Variants in DNAH9 observed in about 807,000 individuals in gnomAD.
DNAH9 encodes DNAH9 variant protein.
A neutral mutation model predicts 471.6 loss-of-function variants in DNAH9; 345 were observed. That is an observed-to-expected ratio of 0.73 (90% confidence interval 0.67 to 0.80). DNAH9 has a LOEUF of 0.80. Ranked by LOEUF, DNAH9 falls within the 30% of genes least tolerant of loss-of-function variation. The pLI is 0.00. For synonymous variants in DNAH9, 2,093 were observed against 2,123.6 expected, an observed-to-expected ratio of 0.99 and a Z score of 0.40; for missense variants, 5,407 against 5,609.2, an observed-to-expected ratio of 0.96 and a Z score of 1.15.
intron 49 of DNAH9, among the ~76,000 whole-genome samples, chr17:11,847,963 G>A (rs923847216): frequency 1.3e-5 from 2 of 151,448 alleles, no homozygotes; most frequent in African/African-American, 2.4e-5. Flanking sequence ...TCCTTCTCCA[G>A]AGGGCTCTCT....
At position 11,752,910 on chromosome 17, in the gene DNAH9, A is replaced by G; in HGVS notation, c.6688A>G (p.Ile2230Val). ...CAAGTGGATTTTACTGGATGGCGAC[A>G]TAGATCCAATGTGGATTGAATCCCT... Reference protein sequence around the residue: ...GPKWILLDGDIDPMWIESLNT... With the variant: ...GPKWILLDGDVDPMWIESLNT... The change falls in exon 33 of 69, where the codon ATA (isoleucine) becomes GTA (valine). Residue 2230 changes from isoleucine (I) to valine (V), a missense_variant. Ile to Val is a conservative substitution (Grantham distance 29). Transcript: ENST00000262442. 6.2e-7 allele frequency: 1 copy of G among 1,608,950 alleles called. No homozygotes were observed. Among genetic ancestry groups the G allele is most frequent in the Non-Finnish European group, 8.5e-7 (1 of 1,177,154 alleles).
At chr17:11,919,262 G>C (rs557618951) in intron 61 of DNAH9, among the ~76,000 whole-genome samples, 4 of 151,970 alleles carry the variant, frequency 2.6e-5, no homozygotes, top group African/African-American at 9.7e-5. Flanking sequence ...TTAGGAGGCC[G>C]AGGCGAGCAG....
intron 8 of DNAH9, among the ~76,000 whole-genome samples, chr17:11,636,377 A>G (rs965765632): frequency 1.3e-4 from 20 of 152,184 alleles, no homozygotes; most frequent in Admixed American, 1.1e-3. Flanking sequence ...TTATTGGTTT[A>G]TCCAGATTCT....
In DNAH9 at chr17:11,619,604, G is replaced by A. The variant is rs1369697617; in HGVS notation, c.1173G>A (p.Gln391=). 32 of 1,614,056 alleles carry A rather than the reference G, an allele frequency of 2.0e-5. No individual in the cohort carries two copies. The highest frequency in any genetic ancestry group is 2.6e-5 in the Non-Finnish European group (31 of 1,180,012). Residue 391 remains glutamine (Q), a synonymous_variant, in exon 6 of 69, where the codon CAG becomes CAA. Transcript: ENST00000262442. ...DLLRSEVEES[Q]RKLQVVSDTL... Reference sequence around the variant, plus strand: ...TGAGAAGTGAGGTAGAAGAAAGTCAGAGAAAACTGCAAGTGGTCTCAGACA... The same window carrying A: ...TGAGAAGTGAGGTAGAAGAAAGTCAAAGAAAACTGCAAGTGGTCTCAGACA...
At position 11,709,963 on chromosome 17, in the gene DNAH9, A is replaced by C. The variant is rs138818829; in HGVS notation, c.5552+4778A>C. On this transcript the variant is annotated intron_variant, in intron 26 of 68. Transcript: ENST00000262442. ...TTCTGGGCAAGGACACAGCTAGCAAAAGTCGTATGCTCTCTCTTTAAGTTT... is the reference window on the plus strand; with the variant it reads ...TTCTGGGCAAGGACACAGCTAGCAACAGTCGTATGCTCTCTCTTTAAGTTT... Among the ~76,000 whole-genome samples, 39 of 152,280 alleles carry C rather than the reference A, an allele frequency of 2.6e-4. No homozygotes were observed. The East Asian group carries it at 7.2e-3, about 28-fold the overall frequency.
At chr17:11,923,437 G>A (rs909403048) in intron 61 of DNAH9, among the ~76,000 whole-genome samples, 11 of 151,250 alleles carry the variant, frequency 7.3e-5, no homozygotes, top group African/African-American at 2.7e-4. Flanking sequence ...TCAGCCTCCC[G>A]AGTAGCTGGG....
At chr17:11,760,141 A>G (rs949542091) in intron 35 of DNAH9, among the ~76,000 whole-genome samples, 15 of 152,324 alleles carry the variant, frequency 9.8e-5, no homozygotes, top group Middle Eastern at 3.4e-3. Flanking sequence ...TTTAAATTCA[A>G]TCATCCATTG....
In DNAH9 at chr17:11,598,714, G is replaced by A. The variant is rs1356639268; in HGVS notation, c.216G>A (p.Leu72=). Residue 72 remains leucine (L), a synonymous_variant, in exon 1 of 69, where the codon CTG becomes CTA. Coordinates refer to ENST00000262442, the MANE Select transcript of DNAH9 (RefSeq NM_001372.4). ...CTGCCGAGGGGCCGCGGCCGCTGCT[G>A]GTGGTGCGGCCCGGGCCCAGGGGCC... is the stretch of plus-strand genomic sequence containing the variant. ...RDAAEGPRPL[L]VVRPGPRGLA... 7.3e-7 allele frequency: 1 copy of A among 1,378,682 alleles called. No individual in the cohort carries two copies. The highest frequency in any genetic ancestry group is 3.1e-5 in the East Asian group (1 of 32,520). 85.4% of individuals were successfully genotyped at this position (1,378,682 alleles called of 1,614,324 possible). A position where few individuals can be genotyped will look rare whatever the true frequency, so the allele number is the denominator to read the frequency against.
intron 1 of DNAH9, among the ~76,000 whole-genome samples, chr17:11,599,421 G>T (rs776732425): frequency 6.6e-6 from 1 of 152,170 alleles, no homozygotes; most frequent in Non-Finnish European, 1.5e-5. Flanking sequence ...CTGGAGAGCA[G>T]TTAAATGGGA....
chr17:11,643,705 CTCTATGATCAATACGT>C (rs1005327145), intron 10 of DNAH9, among the ~76,000 whole-genome samples: 2 of 152,244 alleles, frequency 1.3e-5, no homozygotes, highest in Non-Finnish European at 2.9e-5. Flanking sequence ...GATCAATATG[CTCTATGATCAATACGT>C]TCTATGATCA....
At chr17:11,741,643 A>G (rs2075434723) in intron 29 of DNAH9, among the ~76,000 whole-genome samples, 1 of 152,154 alleles carries the variant, frequency 6.6e-6, no homozygotes, top group Admixed American at 6.5e-5. Flanking sequence ...TACATACTTT[A>G]GGCCTCATCA....
At chr17:11,926,066 G>T (rs921275256) in intron 62 of DNAH9, among the ~76,000 whole-genome samples, 7 of 120,556 alleles carry the variant, frequency 5.8e-5, no homozygotes, top group South Asian at 2.7e-4. Context: ...AAAAAAAGCT[G>T]GGGGGGGAGG....
chr17:11,745,099 T>C lies in DNAH9; in HGVS notation c.6399+15T>C. 6.3e-7 allele frequency: 1 copy of C among 1,597,876 alleles called. No individual in the cohort carries two copies. The highest frequency in any genetic ancestry group is 8.6e-7 in the Non-Finnish European group (1 of 1,169,374). On this transcript the variant is annotated intron_variant, in intron 31 of 68. Coordinates refer to ENST00000262442, the MANE Select transcript of DNAH9 (RefSeq NM_001372.4). ...TTGTGCTCAAGGTACATGTGGTTTT[T>C]CCTCCCAGGATTTCTCTATCTCTTA...
intron 50 of DNAH9, among the ~76,000 whole-genome samples, chr17:11,857,334 C>T (rs1236749907): frequency 6.6e-6 from 1 of 152,136 alleles, no homozygotes; most frequent in East Asian, 1.9e-4. Context: ...TTGCTTTTAA[C>T]AACCTCCTCT....
intron 25 of DNAH9, 78 bp from the exon 26 acceptor site, chr17:11,704,947 A>C: frequency 8.2e-7 from 1 of 1,212,562 alleles, no homozygotes; most frequent in East Asian, 2.3e-5. Flanking sequence ...CCAAGGCATC[A>C]GACCCCTATG....
At chr17:11,740,279 G>A (rs1198981023) in intron 29 of DNAH9, among the ~76,000 whole-genome samples, 2 of 152,084 alleles carry the variant, frequency 1.3e-5, no homozygotes, top group Non-Finnish European at 2.9e-5. Context: ...TTGCTGACTG[G>A]AATTGTCTTT....
intron 50 of DNAH9, among the ~76,000 whole-genome samples, chr17:11,858,343 G>A (rs1290821431): frequency 6.6e-6 from 1 of 152,158 alleles, no homozygotes; most frequent in Non-Finnish European, 1.5e-5. Context: ...GCTCAACTGT[G>A]TTCCAGTTGG....
intron 49 of DNAH9, among the ~76,000 whole-genome samples, chr17:11,839,514 T>G (rs1404756686): frequency 6.9e-6 from 1 of 144,044 alleles, no homozygotes; most frequent in African/African-American, 2.6e-5. Context: ...AGACTCTGTC[T>G]CAAAAAAAAA....
intron 15 of DNAH9, among the ~76,000 whole-genome samples, chr17:11,665,842 A>C (rs1468679784): frequency 6.6e-6 from 1 of 152,228 alleles, no homozygotes; most frequent in Non-Finnish European, 1.5e-5. Context: ...TAAAATAAAT[A>C]GTCCAAGGCC....
Sources: gnomAD v4.1 joint callset for allele counts (sites outside exome capture counted in the v4.1 genomes callset) on GRCh38, gnomAD v4.1.1 for gene constraint, MANE v1.5 for transcripts, NCBI Gene and HGNC (gene_info 2026-07-23, HGNC 2026-07-21) for gene names.